The following SOX6 variants were observed in gnomAD, a reference collection of about 807,000 sequenced individuals.
SOX6 encodes the protein transcription factor SOX-6.
SOX6 carries 11 observed loss-of-function variants against 97.8 expected under a neutral mutation model. The observed-to-expected ratio is 0.11, with a 90% CI of 0.07 to 0.19. The LOEUF (loss-of-function observed/expected upper bound fraction) is 0.19. Ranked by LOEUF, SOX6 falls within the 10% of genes least tolerant of loss-of-function variation. SOX6 has a pLI of 1.00. For missense variants in SOX6, 810 were observed against 1,039.5 expected (o/e 0.78, Z 3.04); for synonymous variants, 360 against 371.4 (o/e 0.97, Z 0.35).
chr11:16,038,266 T>C (rs777680994), intron 12 of SOX6, among the ~76,000 whole-genome samples: 2 of 152,092 alleles, frequency 1.3e-5, no homozygotes, highest in Non-Finnish European at 2.9e-5. Flanking sequence ...TCCAAGAGTA[T>C]TGACGGATGA....
rs190690921 is a variant in SOX6 at position 16,066,266 on chromosome 11, G to A, written c.1102-10365C>T. ...ATCCAAAAGACGGTCAATAACAAACGCTGGCAAAAACATGGGAATCCCTGT... is the reference window on the plus strand; with the variant it reads ...ATCCAAAAGACGGTCAATAACAAACACTGGCAAAAACATGGGAATCCCTGT... On this transcript the variant is annotated intron_variant, in intron 9 of 15. Coordinates refer to ENST00000683767, the MANE Select transcript of SOX6 (RefSeq NM_001367873.1). Among the ~76,000 whole-genome samples, 47 of 152,118 alleles carry A rather than the reference G, an allele frequency of 3.1e-4. 1 individual carries two copies. The East Asian group carries it at 7.2e-3, about 23-fold the overall frequency.
chr11:16,687,271 G>C (rs1304530483), intron 3 of SOX6, among the ~76,000 whole-genome samples: 7 of 152,220 alleles, frequency 4.6e-5, no homozygotes, highest in Admixed American at 3.9e-4. Flanking sequence ...ACTCATGGCA[G>C]AAGGTAAAGC....
chr11:16,317,139 TAA>T (rs1336103190), intron 3 of SOX6: 1 of 151,792 alleles, frequency 6.6e-6, no homozygotes, highest in African/African-American at 2.4e-5. Context: ...CAAAAACTCT[TAA>T]GTTTCATAAT....
intron 1 of SOX6, among the ~76,000 whole-genome samples, chr11:16,409,788 T>G (rs1858761376): frequency 6.6e-6 from 1 of 151,286 alleles, no homozygotes; most frequent in Non-Finnish European, 1.5e-5. Flanking sequence ...AAATTTAGGA[T>G]GCATTGCCAT....
intron 9 of SOX6, among the ~76,000 whole-genome samples, chr11:16,076,906 AC>A (rs1303477013): frequency 6.6e-6 from 1 of 151,342 alleles, no homozygotes; most frequent in Non-Finnish European, 1.5e-5. Flanking sequence ...GGCGCCCGCC[AC>A]CGCGCCCGGC....
chr11:16,658,734 T>G lies in SOX6; in HGVS notation n.430-46474A>C, dbSNP rs527245936. On this transcript the variant is annotated intron_variant and non_coding_transcript_variant, in intron 3 of 5. Transcript: ENST00000524520. ...AAAAAAAAAAAATGTTCTCCTGAGTTTGGCTTGACTTTCATTTTCTTTATG... is the reference window on the plus strand; with the variant it reads ...AAAAAAAAAAAATGTTCTCCTGAGTGTGGCTTGACTTTCATTTTCTTTATG... Among the ~76,000 whole-genome samples the G allele has an allele frequency of 2.6e-5, 4 of 152,258 alleles. No individual in the cohort carries two copies. The East Asian group carries it at 7.7e-4, about 29-fold the overall frequency.
intron 12 of SOX6, among the ~76,000 whole-genome samples, chr11:16,024,842 C>T (rs1054963251): frequency 6.6e-6 from 1 of 151,934 alleles, no homozygotes; most frequent in Non-Finnish European, 1.5e-5. Context: ...AAACATTCTC[C>T]AATGATGTAT....
At chr11:16,415,037 T>C (rs1858898373) in intron 1 of SOX6, among the ~76,000 whole-genome samples, 1 of 152,150 alleles carries the variant, frequency 6.6e-6, no homozygotes. Context: ...ACATCTGTAT[T>C]GGGCATTATA....
At chr11:16,302,144 C>A (rs1855276690) in intron 3 of SOX6, among the ~76,000 whole-genome samples, 1 of 152,128 alleles carries the variant, frequency 6.6e-6, no homozygotes, top group Admixed American at 6.6e-5. Context: ...AGCCTGCTAC[C>A]AGATTCCCCT....
chr11:16,724,763 T>A (rs1468774046), intron 2 of SOX6, among the ~76,000 whole-genome samples: 3 of 152,244 alleles, frequency 2.0e-5, no homozygotes, highest in Non-Finnish European at 4.4e-5. Flanking sequence ...ATACTTGGTG[T>A]TTTGCACATC....
At chr11:16,622,910 C>T (rs1848565854) in intron 3 of SOX6, among the ~76,000 whole-genome samples, 1 of 152,178 alleles carries the variant, frequency 6.6e-6, no homozygotes, top group Non-Finnish European at 1.5e-5. Context: ...ACCATATCCA[C>T]ACTAACATCT....
intron 7 of SOX6, among the ~76,000 whole-genome samples, chr11:16,101,261 T>G (rs1221737504): frequency 6.6e-6 from 1 of 151,660 alleles, no homozygotes; most frequent in Non-Finnish European, 1.5e-5. Flanking sequence ...AGTCTGAATT[T>G]GTCTTTATGC....
chr11:16,055,301 G>A (rs1237891795), intron 10 of SOX6, among the ~76,000 whole-genome samples: 4 of 151,762 alleles, frequency 2.6e-5, no homozygotes, highest in Middle Eastern at 3.4e-3. Flanking sequence ...CTTCATCAAC[G>A]AACCATACAG....
At chr11:16,694,854 C>G (rs1301785498) in intron 3 of SOX6, among the ~76,000 whole-genome samples, 1 of 152,200 alleles carries the variant, frequency 6.6e-6, no homozygotes, top group Non-Finnish European at 1.5e-5. Context: ...ATGGTTGTAT[C>G]TGTACTGAAC....
In SOX6 at chr11:16,049,937, T is replaced by C; in HGVS notation, c.1253A>G (p.Asp418Gly). ...RGTSPVTQVK[D>G]EAAAQPLNLS... ...ATTCAGAGGCTGTGCTGCTGCTTCA[T>C]CCTACAAGAGTTTAACGTAAATAAT... Residue 418 changes from aspartate to glycine, a missense_variant and splice_region_variant, in exon 11 of 16, where the codon GAT becomes GGT. By Grantham distance (94) the Asp-to-Gly change is moderately conservative (BLOSUM62 -1). This residue lies in a region of SOX6 where 244 missense variants were observed against 261.0 expected (regional missense o/e 0.93). Transcript: ENST00000683767. 1 of 1,613,688 alleles carries C rather than the reference T, an allele frequency of 6.2e-7. No homozygotes were observed. The highest frequency in any genetic ancestry group is 2.2e-5 in the East Asian group (1 of 44,870).
intron 3 of SOX6, among the ~76,000 whole-genome samples, chr11:16,709,930 C>T (rs959974784): frequency 2.0e-5 from 3 of 152,160 alleles, no homozygotes; most frequent in Non-Finnish European, 4.4e-5. Context: ...TTCTTTAATT[C>T]GTTCAGCAAA....
At chr11:16,417,507 A>G (rs1198206660) in intron 1 of SOX6, among the ~76,000 whole-genome samples, 1 of 152,200 alleles carries the variant, frequency 6.6e-6, no homozygotes, top group African/African-American at 2.4e-5. Flanking sequence ...CTCTTTTCCA[A>G]GAGGACCAAC....
At chr11:16,182,104 C>T (rs1038088685) in intron 6 of SOX6, among the ~76,000 whole-genome samples, 1 of 151,674 alleles carries the variant, frequency 6.6e-6, no homozygotes, top group Non-Finnish European at 1.5e-5. Context: ...ATAAGTAATA[C>T]ACACTAAAAA....
chr11:16,044,438 T>A (rs915030147), intron 12 of SOX6, among the ~76,000 whole-genome samples: 7 of 152,174 alleles, frequency 4.6e-5, no homozygotes, highest in African/African-American at 1.7e-4. Context: ...TAATTCATTT[T>A]CCAGTTTAAT....
Sources: gnomAD v4.1 joint callset for allele counts (sites outside exome capture counted in the v4.1 genomes callset) on GRCh38, gnomAD v4.1.1 for gene constraint, gnomAD v4.1.1 regional missense constraint, MANE v1.5 for transcripts, NCBI Gene and HGNC (gene_info 2026-07-23, HGNC 2026-07-21) for gene names.